WWOX: variants seen among roughly 807,000 people sequenced by gnomAD.
WWOX encodes WW domain-containing oxidoreductase.
In WWOX, 69 loss-of-function variants were observed where a neutral mutation model predicts 46.2. The ratio of observed to expected loss-of-function variants is 1.49; its 90% CI spans 1.23 to 1.82. The LOEUF (loss-of-function observed/expected upper bound fraction) is 1.82, where lower values mean the gene tolerates loss of function less well. Among genes scored for constraint, WWOX ranks in the 40% most tolerant of loss-of-function variants. WWOX has a pLI of 0.00. For missense variants in WWOX, 919 were observed against 542.6 expected (o/e 1.69, Z -6.89); for synonymous variants, 359 against 202.6 (o/e 1.77, Z -6.56).
In WWOX at chr16:78,731,589, G is replaced by A. The variant is rs371371166; in HGVS notation, c.1056+298837G>A. On this transcript the variant is annotated intron_variant, in intron 8 of 8. Transcript: ENST00000566780. The stretch of plus-strand genomic sequence containing the variant: ...TTTCCTCGTTTATTTGGGCTTTTTC[G>A]GTTGTGAAGATCAGTACCTTGAAAT... Among the ~76,000 whole-genome samples the A allele has an allele frequency of 1.6e-4, 24 of 151,706 alleles. No homozygotes were observed. In the South Asian group the frequency reaches 2.3e-3, roughly 15 times the overall value.
At chr16:79,096,318 G>A (rs1453523174) in intron 8 of WWOX, among the ~76,000 whole-genome samples, 5 of 151,996 alleles carry the variant, frequency 3.3e-5, no homozygotes, top group South Asian at 2.1e-4. Context: ...CCTGTTACTC[G>A]GAGTGCAAGC....
At chr16:78,110,674 T>C (rs941954254) in intron 3 of WWOX, among the ~76,000 whole-genome samples, 1 of 152,164 alleles carries the variant, frequency 6.6e-6, no homozygotes, top group African/African-American at 2.4e-5. Flanking sequence ...GTCCAACATA[T>C]AGCATGAGCC....
intron 8 of WWOX, among the ~76,000 whole-genome samples, chr16:79,007,369 G>C (rs1395562872): frequency 2.0e-5 from 3 of 152,200 alleles, no homozygotes; most frequent in Non-Finnish European, 4.4e-5. Context: ...AGGTGTTCCA[G>C]GCAAAAGGAA....
chr16:78,745,451 T>C (rs2049326042), intron 8 of WWOX, among the ~76,000 whole-genome samples: 1 of 151,720 alleles, frequency 6.6e-6, no homozygotes. Flanking sequence ...AACATTGACC[T>C]AGGTCAGAAG....
chr16:79,183,248 C>G (rs914103618), intron 8 of WWOX, among the ~76,000 whole-genome samples: 2 of 152,162 alleles, frequency 1.3e-5, no homozygotes, highest in African/African-American at 2.4e-5. Context: ...TTCTTGCAAA[C>G]CTAATGTAGG....
intron 8 of WWOX, among the ~76,000 whole-genome samples, chr16:78,914,250 A>T (rs142960148): frequency 1.3e-5 from 2 of 152,036 alleles, no homozygotes; most frequent in Non-Finnish European, 2.9e-5. Context: ...TCATTCATTC[A>T]TTGCTAATTT....
chr16:78,871,960 A>G (rs1003910311), intron 8 of WWOX, among the ~76,000 whole-genome samples: 1 of 151,900 alleles, frequency 6.6e-6, no homozygotes, highest in Non-Finnish European at 1.5e-5. Context: ...CCCTAGGGAG[A>G]GCTTGGCTGT....
intron 8 of WWOX, among the ~76,000 whole-genome samples, chr16:78,604,049 C>T (rs1006070919): frequency 2.2e-4 from 34 of 152,204 alleles, no homozygotes; most frequent in African/African-American, 7.7e-4. Context: ...GAGGCTGAGG[C>T]GGTAGGATCG....
At chr16:78,240,250 G>A (rs11643816) in intron 5 of WWOX, among the ~76,000 whole-genome samples, 74 of 152,160 alleles carry the variant, frequency 4.9e-4, no homozygotes, top group Non-Finnish European at 8.7e-4. Context: ...AGGCTGCGGA[G>A]GGGGCATCAC....
chr16:79,095,175 A>T (rs2049043596), intron 8 of WWOX, among the ~76,000 whole-genome samples: 1 of 152,180 alleles, frequency 6.6e-6, no homozygotes, highest in Admixed American at 6.5e-5. Context: ...CTGGAGAAAG[A>T]GCTGCTGTCT....
chr16:79,012,882 A>G (rs954450271), intron 8 of WWOX, among the ~76,000 whole-genome samples: 14 of 152,214 alleles, frequency 9.2e-5, no homozygotes, highest in Admixed American at 4.6e-4. Flanking sequence ...GGCTGAAGAA[A>G]GGCATCACAA....
intron 5 of WWOX, among the ~76,000 whole-genome samples, chr16:78,352,153 C>G (rs1321963730): frequency 6.6e-6 from 1 of 152,210 alleles, no homozygotes; most frequent in African/African-American, 2.4e-5. Context: ...TGAGCATATG[C>G]AGGCCAGACC....
chr16:78,285,393 C>T (rs2079750442), intron 5 of WWOX, among the ~76,000 whole-genome samples: 1 of 151,872 alleles, frequency 6.6e-6, no homozygotes, highest in Non-Finnish European at 1.5e-5. Flanking sequence ...TATAGTGAGC[C>T]ACTGTACTCC....
intron 5 of WWOX, among the ~76,000 whole-genome samples, chr16:78,247,929 C>T (rs1232649016): frequency 6.6e-6 from 1 of 152,164 alleles, no homozygotes; most frequent in Non-Finnish European, 1.5e-5. Flanking sequence ...GGGATTGAAG[C>T]ACATATCTTG....
At chr16:78,856,618 G>A (rs920616998) in intron 8 of WWOX, among the ~76,000 whole-genome samples, 1 of 152,146 alleles carries the variant, frequency 6.6e-6, no homozygotes, top group African/African-American at 2.4e-5. Flanking sequence ...ACTCCAGCGT[G>A]GGTGACAGAG....
At chr16:79,052,174 T>A (rs1436599594) in intron 8 of WWOX, among the ~76,000 whole-genome samples, 4 of 152,108 alleles carry the variant, frequency 2.6e-5, no homozygotes, top group African/African-American at 9.7e-5. Flanking sequence ...TATCTCCCAA[T>A]GCTATCCCTC....
chr16:79,063,646 G>A (rs369432001), intron 8 of WWOX, among the ~76,000 whole-genome samples: 43 of 152,304 alleles, frequency 2.8e-4, no homozygotes, highest in South Asian at 1.9e-3. Context: ...ACTCTTGCGC[G>A]CTAGAGTGAT....
intron 8 of WWOX, among the ~76,000 whole-genome samples, chr16:78,648,164 G>C (rs368962996): frequency 3.9e-5 from 6 of 152,158 alleles, no homozygotes; most frequent in African/African-American, 1.4e-4. Context: ...CCTCCCAGGA[G>C]TTGAATGAAA....
chr16:78,936,085 TG>T (rs1312751476), intron 8 of WWOX, among the ~76,000 whole-genome samples: 2 of 151,990 alleles, frequency 1.3e-5, no homozygotes, highest in Non-Finnish European at 1.5e-5. Flanking sequence ...GGTAAGTAAT[TG>T]GTTGTGATTG....
Sources: gnomAD v4.1 joint callset for allele counts (sites outside exome capture counted in the v4.1 genomes callset) on GRCh38, gnomAD v4.1.1 for gene constraint, MANE v1.5 for transcripts, NCBI Gene and HGNC (gene_info 2026-07-23, HGNC 2026-07-21) for gene names.